The following GRIN2D variants were observed in gnomAD, a reference collection of about 807,000 sequenced individuals.
GRIN2D encodes the protein glutamate receptor ionotropic, NMDA 2D.
In GRIN2D, 37 loss-of-function variants were observed where a neutral mutation model predicts 103.2. That is an observed-to-expected ratio of 0.36 (90% CI 0.28 to 0.47). The LOEUF (loss-of-function observed/expected upper bound fraction) is 0.47, where lower values mean the gene tolerates loss of function less well. GRIN2D is among the 20% of genes least tolerant of loss of function. The probability of loss-of-function intolerance (pLI) is 1.00; values close to 1 mark genes in which losing one functional copy is unlikely to be tolerated. For missense variants in GRIN2D, 1,557 were observed against 1,910.6 expected, an observed-to-expected ratio of 0.81 and a Z score of 3.45; for synonymous variants, 845 against 885.6, an observed-to-expected ratio of 0.95 and a Z score of 0.81.
At chr19:48,416,593 C>G (rs1213623895) in intron 8 of GRIN2D, among the ~76,000 whole-genome samples, 1 of 152,196 alleles carries the variant, frequency 6.6e-6, no homozygotes, top group Non-Finnish European at 1.5e-5. Flanking sequence ...AAGTCACCAT[C>G]AGTGTTTACT....
chr19:48,405,446 C>A lies in GRIN2D; in HGVS notation c.1085+93C>A. ...AATGAGTGGCTCAAATGGGCCACAT[C>A]TGCTCTTTGAGCCTCAGTTTTCTTT... On this transcript the variant is annotated intron_variant, in intron 4 of 13. Transcript: ENST00000263269. The surrounding 1 kb of genome is among the most constrained non-coding windows in gnomAD (Gnocchi z 5.1). The A allele has an allele frequency of 8.0e-7, 1 of 1,251,522 alleles. No individual in the cohort carries two copies. Among genetic ancestry groups the A allele is most frequent in the Non-Finnish European group, 1.1e-6 (1 of 939,184 alleles). 77.5% of individuals were successfully genotyped at this position (1,251,522 alleles called of 1,614,324 possible).
Position 48,444,216 on chromosome 19 carries a change from A to C in GRIN2D, c.*279A>C. ...GACAAGGGCTTTTTAACGTCACCAGATGGGGCGGGAGGTGGGGGGTTCACG... is the reference window on the plus strand; with the variant it reads ...GACAAGGGCTTTTTAACGTCACCAGCTGGGGCGGGAGGTGGGGGGTTCACG... On this transcript the variant is annotated 3_prime_UTR_variant, in exon 14 of 14. Transcript: ENST00000263269. This position sits in a 1 kb window ranked among gnomAD's most constrained non-coding sequence, Gnocchi z 5.5. The C allele has an allele frequency of 7.5e-5, 20 of 266,184 alleles. No homozygotes were observed. Among genetic ancestry groups the C allele is most frequent in the East Asian group, 1.9e-4 (3 of 16,090 alleles). 16.5% of individuals were successfully genotyped at this position (266,184 alleles called of 1,614,324 possible). A position where few individuals can be genotyped will look rare whatever the true frequency, so the allele number is the denominator to read the frequency against.
intron 11 of GRIN2D, among the ~76,000 whole-genome samples, chr19:48,433,248 ATC>A (rs1435081840): frequency 4.6e-5 from 7 of 151,646 alleles, no homozygotes; most frequent in Admixed American, 6.6e-5. Context: ...GGCGCCTGTA[ATC>A]CCAGCTACTC....
Position 48,405,424 on chromosome 19 carries a change from G to C in GRIN2D, c.1085+71G>C, listed in dbSNP as rs1569060639. 2.1e-6 allele frequency: 3 copies of C among 1,401,356 alleles called. No individual in the cohort carries two copies. The highest frequency in any genetic ancestry group is 9.4e-7 in the Non-Finnish European group (1 of 1,061,128). The allele number at this position is 1,401,356 out of a possible 1,614,324, so 86.8% of individuals were successfully genotyped here. A position where few individuals can be genotyped will look rare whatever the true frequency, so the allele number is the denominator to read the frequency against. On this transcript the variant is annotated intron_variant, in intron 4 of 13. Transcript: ENST00000263269. The surrounding 1 kb of genome is among the most constrained non-coding windows in gnomAD (Gnocchi z 5.1). ...CTAACTACCTCAGTATTCACTGAAT[G>C]AGTGGCTCAAATGGGCCACATCTGC...
At chr19:48,422,790 G>A (rs556554766) in intron 11 of GRIN2D, among the ~76,000 whole-genome samples, 1 of 152,160 alleles carries the variant, frequency 6.6e-6, no homozygotes, top group South Asian at 2.1e-4. Context: ...CCAAATCATA[G>A]GGATGAAGTT....
At chr19:48,406,450 T>G (rs2147443162) in intron 4 of GRIN2D, among the ~76,000 whole-genome samples, 1 of 152,248 alleles carries the variant, frequency 6.6e-6, no homozygotes, top group South Asian at 2.1e-4. Context: ...AGAGAGACCT[T>G]TAATCCTGAA....
chr19:48,435,906 G>A (rs1428361493), intron 11 of GRIN2D, among the ~76,000 whole-genome samples: 7 of 152,240 alleles, frequency 4.6e-5, no homozygotes, highest in Admixed American at 1.3e-4. Flanking sequence ...ATATTCTATA[G>A]TGCATTCCAA....
Position 48,398,389 on chromosome 19 carries a change from G to A in GRIN2D, c.-4G>A, listed in dbSNP as rs1970668096. The stretch of plus-strand genomic sequence containing the variant: ...CAGAGGCCGCCCGGCGGGGCCCGCA[G>A]GCGATGCGCGGCGCCGGTGGCCCCC... On this transcript the variant is annotated 5_prime_UTR_variant, in exon 3 of 14. Transcript: ENST00000263269. 8.9e-7 allele frequency: 1 copy of A among 1,121,760 alleles called. No individual in the cohort carries two copies. Among genetic ancestry groups the A allele is most frequent in the Non-Finnish European group, 1.1e-6 (1 of 918,344 alleles). The allele number at this position is 1,121,760 out of a possible 1,614,324, so 69.5% of individuals were successfully genotyped here.
At chr19:48,434,899 A>T (rs184788386) in intron 11 of GRIN2D, among the ~76,000 whole-genome samples, 224 of 152,202 alleles carry the variant, frequency 1.5e-3, no homozygotes, top group African/African-American at 5.2e-3. Flanking sequence ...TTTTAATTTC[A>T]TTTTAATTGT....
At chr19:48,434,398 C>T (rs985246211) in intron 11 of GRIN2D, among the ~76,000 whole-genome samples, 3 of 152,142 alleles carry the variant, frequency 2.0e-5, no homozygotes, top group African/African-American at 7.2e-5. Context: ...GAACTACAGG[C>T]ACACGCAACC....
At chr19:48,408,593 C>T (rs528158541) in intron 4 of GRIN2D, among the ~76,000 whole-genome samples, 30 of 151,648 alleles carry the variant, frequency 2.0e-4, no homozygotes, top group Non-Finnish European at 2.9e-4. Context: ...CTGAGGTGGG[C>T]GGATCACTTG....
chr19:48,410,400 C>T lies in GRIN2D; in HGVS notation c.1086-3591C>T, dbSNP rs140206744. ...CAAATTAGCTGGACATGGTGGTGCA[C>T]GCCTGTAATCCCAGCTACTCGGGAG... On this transcript the variant is annotated intron_variant, in intron 4 of 13. Transcript: ENST00000263269. 3.7e-3 allele frequency among the ~76,000 whole-genome samples: 565 copies of T among 151,636 alleles called. 1 individual carries two copies. The highest frequency in any genetic ancestry group is 8.6e-3 in the African/African-American group (356 of 41,356).
intron 4 of GRIN2D, among the ~76,000 whole-genome samples, chr19:48,410,169 G>T (rs1384963182): frequency 6.6e-6 from 1 of 151,114 alleles, no homozygotes; most frequent in African/African-American, 2.4e-5. Context: ...AACCCAGAGG[G>T]GAGAGAAACT....
rs908047791 is a variant in GRIN2D, at chr19:48,393,985, C to T, written c.-306+117C>T. Among the ~76,000 whole-genome samples, 1 of 152,090 alleles carries T rather than the reference C, an allele frequency of 6.6e-6. No individual in the cohort carries two copies. Among genetic ancestry groups the T allele is most frequent in the East Asian group, 1.9e-4 (1 of 5,168 alleles). On this transcript the variant is annotated intron_variant, in intron 1 of 13. Coordinates refer to ENST00000263269, the MANE Select transcript of GRIN2D (RefSeq NM_000836.4). The surrounding 1 kb of genome is among the most constrained non-coding windows in gnomAD (Gnocchi z 5.6). ...GTCTGTCTGTACCGACCCTGAGCTG[C>T]CTGCCTGGGTGTCGTGGGGCTCCCG...
In GRIN2D at chr19:48,404,924, G is replaced by C; in HGVS notation, c.656G>C (p.Gly219Ala). 14 of 1,613,730 alleles carry C rather than the reference G, an allele frequency of 8.7e-6. No homozygotes were observed. Among genetic ancestry groups the C allele is most frequent in the Non-Finnish European group, 1.2e-5 (14 of 1,179,964 alleles). The change falls in exon 4 of 14, where the codon GGA (glycine) becomes GCA (alanine). Residue 219 changes from glycine (G) to alanine (A), a missense_variant. Physicochemically the swap from Gly to Ala is moderately conservative, Grantham distance 60 (BLOSUM62 0). This residue lies in a region of GRIN2D where 490 missense variants were observed against 601.1 expected (regional missense o/e 0.82). Coordinates refer to ENST00000263269, the MANE Select transcript of GRIN2D (RefSeq NM_000836.4). ...DGSLVGWEHR[G>A]ALTLDPGAGE... The stretch of plus-strand genomic sequence containing the variant: ...AGTCTGGTGGGCTGGGAGCACCGCG[G>C]AGCGCTGACGCTGGACCCTGGGGCG...
At chr19:48,438,452 C>T (rs1425539206) in intron 11 of GRIN2D, among the ~76,000 whole-genome samples, 1 of 151,690 alleles carries the variant, frequency 6.6e-6, no homozygotes, top group East Asian at 2.0e-4. Context: ...ATGCCTGCCA[C>T]CACGTCTGGC....
At chr19:48,430,821 CTTTTTTTT>C (rs557084994) in intron 11 of GRIN2D, among the ~76,000 whole-genome samples, 1 of 128,922 alleles carries the variant, frequency 7.8e-6, no homozygotes, top group African/African-American at 3.1e-5. Context: ...TTTCTTTTTT[CTTTTTTTT>C]TTTTTTTTGA....
chr19:48,404,640 G>T (rs1321170691), intron 3 of GRIN2D, 94 bp from the exon 4 acceptor site: 1 of 1,264,602 alleles, frequency 7.9e-7, no homozygotes, highest in Non-Finnish European at 1.1e-6. Flanking sequence ...TGTCGAGTCA[G>T]TCTGCCATAT....
chr19:48,442,650 CCCG>C lies in GRIN2D; in HGVS notation c.2733_2735del (p.Pro912del), dbSNP rs1165467141. On this transcript the variant is annotated inframe_deletion, in exon 14 of 14. Transcript: ENST00000263269. The surrounding 1 kb of genome is among the most constrained non-coding windows in gnomAD (Gnocchi z 7.2). ...AGGCCGCCCCACCGCCCGCCAAGCC[CCCG>C]CCGCCGCCACAGCCCCTGCCCAGCC... The C allele has an allele frequency of 6.8e-7, 1 of 1,479,450 alleles. No homozygotes were observed. Among genetic ancestry groups the C allele is most frequent in the Non-Finnish European group, 9.0e-7 (1 of 1,116,012 alleles). The allele number at this position is 1,479,450 out of a possible 1,614,324, so 91.6% of individuals were successfully genotyped here. A position where few individuals can be genotyped will look rare whatever the true frequency, so the allele number is the denominator to read the frequency against.
Sources: gnomAD v4.1 joint callset for allele counts (sites outside exome capture counted in the v4.1 genomes callset) on GRCh38, gnomAD v4.1.1 for gene constraint, gnomAD v4.1.1 regional missense constraint, Gnocchi (gnomAD v3.1) non-coding constraint, MANE v1.5 for transcripts, NCBI Gene and HGNC (gene_info 2026-07-23, HGNC 2026-07-21) for gene names.